COL28A1: variants seen among roughly 807,000 people sequenced by gnomAD.
COL28A1 encodes the protein collagen type XXVIII alpha 1 chain, also known as collagen alpha-1(XXVIII) chain.
In COL28A1, 161 loss-of-function variants were observed where a neutral mutation model predicts 150.2. The observed-to-expected ratio is 1.07, with a 90% CI of 0.94 to 1.22. The LOEUF is 1.22. Among genes scored for constraint, COL28A1 ranks in the 50% most tolerant of loss-of-function variants. The pLI is 0.00. For missense variants in COL28A1, 1,617 were observed against 1,388.3 expected, an observed-to-expected ratio of 1.16 and a Z score of -2.62; for synonymous variants, 552 against 469.7, an observed-to-expected ratio of 1.18 and a Z score of -2.26.
chr7:7,491,157 A>G (rs1779893099), intron 11 of COL28A1, among the ~76,000 whole-genome samples: 1 of 152,036 alleles, frequency 6.6e-6, no homozygotes, highest in Non-Finnish European at 1.5e-5. Flanking sequence ...TAAACCCCCA[A>G]TTGAGTCAGT....
chr7:7,379,176 G>A (rs955595170), intron 30 of COL28A1, among the ~76,000 whole-genome samples: 3 of 152,158 alleles, frequency 2.0e-5, no homozygotes, highest in African/African-American at 7.2e-5. Flanking sequence ...TTCCAGAGCG[G>A]GGGCCTCTAA....
chr7:7,477,535 C>G (rs183143146), intron 13 of COL28A1, among the ~76,000 whole-genome samples: 2 of 152,240 alleles, frequency 1.3e-5, no homozygotes, highest in African/African-American at 4.8e-5. Flanking sequence ...AGCCGCGGAC[C>G]CTCGCGGTGA....
upstream of COL28A1, among the ~76,000 whole-genome samples, chr7:7,536,562 T>C (rs1782646491): frequency 6.6e-6 from 1 of 152,160 alleles, no homozygotes; most frequent in South Asian, 2.1e-4. Context: ...TTCTACCTTG[T>C]GGTTATGGTC....
upstream of COL28A1, among the ~76,000 whole-genome samples, chr7:7,539,286 T>C (rs559809385): frequency 6.6e-6 from 1 of 152,292 alleles, no homozygotes; most frequent in South Asian, 2.1e-4. Context: ...CTTCTACTCA[T>C]GGCAGAAGGT....
chr7:7,410,487 G>A (rs938214146), intron 27 of COL28A1, among the ~76,000 whole-genome samples: 1 of 152,168 alleles, frequency 6.6e-6, no homozygotes, highest in Non-Finnish European at 1.5e-5. Flanking sequence ...TAAGAGATAA[G>A]TCACAGAGGT....
intron 27 of COL28A1, among the ~76,000 whole-genome samples, chr7:7,390,608 A>C (rs958698536): frequency 4.6e-5 from 7 of 152,118 alleles, no homozygotes; most frequent in Non-Finnish European, 1.0e-4. Context: ...TTCGGCTGTG[A>C]ATCTGTCTGG....
intron 25 of COL28A1, chr7:7,420,232 T>G (rs1266065500): frequency 8.6e-6 from 2 of 233,610 alleles, no homozygotes; most frequent in Non-Finnish European, 1.6e-5. Context: ...GTATTGTGAA[T>G]AGAGGATGGA....
chr7:7,527,180 A>T (rs1300883431), intron 3 of COL28A1, among the ~76,000 whole-genome samples: 1 of 152,198 alleles, frequency 6.6e-6, no homozygotes. Context: ...TGAACCCAAA[A>T]CTACACAATA....
intron 3 of COL28A1, among the ~76,000 whole-genome samples, chr7:7,530,867 A>G (rs1387837651): frequency 6.6e-6 from 1 of 152,196 alleles, no homozygotes; most frequent in Non-Finnish European, 1.5e-5. Flanking sequence ...TAATGTAACA[A>G]TAGGTGAGAC....
At chr7:7,424,399 G>T (rs1784540822) in intron 25 of COL28A1, among the ~76,000 whole-genome samples, 4 of 152,166 alleles carry the variant, frequency 2.6e-5, no homozygotes, top group Admixed American at 2.6e-4. Context: ...TTGGCCATTT[G>T]ACGGCACTGG....
At chr7:7,518,823 A>C (rs1214190231) in intron 6 of COL28A1, among the ~76,000 whole-genome samples, 1 of 152,180 alleles carries the variant, frequency 6.6e-6, no homozygotes, top group African/African-American at 2.4e-5. Flanking sequence ...AGTTTCTAAA[A>C]TGTAAGTATC....
chr7:7,496,697 T>G (rs763091597), intron 11 of COL28A1, among the ~76,000 whole-genome samples: 10 of 152,212 alleles, frequency 6.6e-5, no homozygotes, highest in Non-Finnish European at 1.2e-4. Context: ...CAAATGGTTA[T>G]CCAAGACTGA....
chr7:7,398,541 T>C (rs996640434), intron 27 of COL28A1, among the ~76,000 whole-genome samples: 2 of 152,224 alleles, frequency 1.3e-5, no homozygotes, highest in African/African-American at 4.8e-5. Context: ...AAATTGTTCT[T>C]AGTTTAAGTC....
intron 3 of COL28A1, among the ~76,000 whole-genome samples, chr7:7,525,585 G>C (rs1189941374): frequency 6.6e-6 from 1 of 152,194 alleles, no homozygotes; most frequent in Non-Finnish European, 1.5e-5. Context: ...TTTGTTGCAA[G>C]ATATTAAAAA....
intron 30 of COL28A1, among the ~76,000 whole-genome samples, chr7:7,378,617 G>A (rs183790604): frequency 4.3e-4 from 66 of 152,282 alleles, no homozygotes; most frequent in Admixed American, 2.6e-4. Flanking sequence ...GATAAGAGGG[G>A]GAGAGGAAAG....
intron 27 of COL28A1, among the ~76,000 whole-genome samples, chr7:7,405,666 C>T (rs75100173): frequency 0.013 from 1,982 of 152,216 alleles, 36 homozygotes; most frequent in African/African-American, 0.045. Flanking sequence ...AATATGAATT[C>T]ACAGGAAAAG....
intron 13 of COL28A1, among the ~76,000 whole-genome samples, chr7:7,484,522 T>C (rs1303042697): frequency 1.3e-5 from 2 of 152,162 alleles, no homozygotes; most frequent in East Asian, 3.9e-4. Context: ...ACTATACAAA[T>C]ACTGACTTAA....
chr7:7,457,567 T>C (rs1787267479), intron 15 of COL28A1, among the ~76,000 whole-genome samples: 1 of 152,088 alleles, frequency 6.6e-6, no homozygotes. Context: ...GATGAGAACA[T>C]AAATTTGGGA....
At chr7:7,371,394 G>A (rs913797934) in intron 32 of COL28A1, among the ~76,000 whole-genome samples, 5 of 152,374 alleles carry the variant, frequency 3.3e-5, no homozygotes, top group South Asian at 2.1e-4. Context: ...AGCCAGCAGG[G>A]TACTGATGAA....
Sources: allele counts gnomAD v4.1 joint callset (sites outside exome capture counted in the v4.1 genomes callset), GRCh38; gene constraint gnomAD v4.1.1; transcripts MANE v1.5; gene names NCBI Gene and HGNC (gene_info 2026-07-23, HGNC 2026-07-21).